Variants in GALNT13 observed in about 807,000 individuals in gnomAD.
The protein encoded by GALNT13 is UDP-GalNAc:polypeptide N-acetylgalactosaminyltransferase 13.
In GALNT13, 28 loss-of-function variants were observed where a neutral mutation model predicts 64.2. The observed-to-expected ratio is 0.44, with a 90% confidence interval of 0.32 to 0.60. The LOEUF (loss-of-function observed/expected upper bound fraction) is 0.60, where lower values mean the gene tolerates loss of function less well. Among genes scored for constraint, GALNT13 ranks in the 20% least tolerant of loss-of-function variants. The pLI is 0.05. For synonymous variants in GALNT13, 214 were observed against 224.6 expected, an observed-to-expected ratio of 0.95 and a Z score of 0.42; for missense variants, 577 against 669.8, an observed-to-expected ratio of 0.86 and a Z score of 1.53.
the GALNT13 span, among the ~76,000 whole-genome samples, chr2:153,509,594 T>C: frequency 7.9e-5 from 12 of 152,246 alleles, no homozygotes; most frequent in Non-Finnish European, 1.6e-4. Context: ...AAAGTGTTAT[T>C]GTAGATGGTC....
the GALNT13 span, among the ~76,000 whole-genome samples, chr2:153,386,666 T>G: frequency 6.6e-6 from 1 of 152,064 alleles, no homozygotes; most frequent in Non-Finnish European, 1.5e-5. Flanking sequence ...ACTGTTAAAT[T>G]AATCACTGCT....
the GALNT13 span, among the ~76,000 whole-genome samples, chr2:153,499,188 G>C: frequency 3.9e-5 from 6 of 152,158 alleles, no homozygotes; most frequent in South Asian, 1.2e-3. Flanking sequence ...GGAAGAATGA[G>C]GTACACAGAC....
the GALNT13 span, among the ~76,000 whole-genome samples, chr2:153,694,293 A>G: frequency 6.6e-6 from 1 of 152,158 alleles, no homozygotes; most frequent in Non-Finnish European, 1.5e-5. Flanking sequence ...AGGTGACTCT[A>G]GGAATCCATG....
At chr2:154,028,053 G>C (rs1035725640) in intron 3 of GALNT13, among the ~76,000 whole-genome samples, 2 of 152,132 alleles carry the variant, frequency 1.3e-5, no homozygotes, top group Non-Finnish European at 1.5e-5. Context: ...AGCTGCGACT[G>C]TAGAGCACTA....
intron 3 of GALNT13, among the ~76,000 whole-genome samples, chr2:154,126,292 A>T: frequency 6.6e-6 from 1 of 152,210 alleles, no homozygotes; most frequent in East Asian, 1.9e-4. Context: ...GGTAAAAAAA[A>T]AATACTGGTG....
chr2:153,544,964 A>C, the GALNT13 span, among the ~76,000 whole-genome samples: 2 of 152,162 alleles, frequency 1.3e-5, no homozygotes, highest in Non-Finnish European at 2.9e-5. Flanking sequence ...TTCGTAAGGG[A>C]GGGGTAGAAA....
intron 8 of GALNT13, among the ~76,000 whole-genome samples, chr2:154,291,087 GA>G (rs1692598230): frequency 6.6e-6 from 1 of 152,216 alleles, no homozygotes; most frequent in East Asian, 1.9e-4. Flanking sequence ...CCACAGCGTG[GA>G]AAGGGACCTG....
At chr2:153,233,157 A>G in the GALNT13 span, among the ~76,000 whole-genome samples, 1 of 152,196 alleles carries the variant, frequency 6.6e-6, no homozygotes, top group African/African-American at 2.4e-5. Flanking sequence ...TCCACGTTAA[A>G]ACTTTAAAGT....
chr2:153,596,464 T>G, the GALNT13 span, among the ~76,000 whole-genome samples: 1 of 152,086 alleles, frequency 6.6e-6, no homozygotes, highest in Non-Finnish European at 1.5e-5. Context: ...GCATGACATT[T>G]GCAACATCGA....
the GALNT13 span, among the ~76,000 whole-genome samples, chr2:153,819,441 C>T: frequency 6.6e-6 from 1 of 152,142 alleles, no homozygotes; most frequent in Non-Finnish European, 1.5e-5. Flanking sequence ...GTGCAGCTCC[C>T]TCACTCCCAC....
chr2:153,343,523 T>C, the GALNT13 span, among the ~76,000 whole-genome samples: 1 of 151,832 alleles, frequency 6.6e-6, no homozygotes, highest in African/African-American at 2.4e-5. Context: ...AAAAAATATG[T>C]TTATTGTTAA....
At chr2:154,305,978 A>G (rs1251737034) in intron 9 of GALNT13, among the ~76,000 whole-genome samples, 1 of 152,164 alleles carries the variant, frequency 6.6e-6, no homozygotes, top group Non-Finnish European at 1.5e-5. Context: ...AAAGAGAGCC[A>G]CATTTGTTTC....
At chr2:154,423,920 T>A (rs1042342299) in intron 11 of GALNT13, among the ~76,000 whole-genome samples, 1 of 152,140 alleles carries the variant, frequency 6.6e-6, no homozygotes, top group South Asian at 2.1e-4. Context: ...CTTGAAGTGA[T>A]GGGAATGACA....
the GALNT13 span, among the ~76,000 whole-genome samples, chr2:153,096,608 G>C: frequency 9.2e-5 from 14 of 152,248 alleles, no homozygotes; most frequent in East Asian, 2.7e-3. Context: ...CTTTATTAGT[G>C]TGTAGTGACC....
At chr2:154,205,595 AG>A (rs1489656535) in intron 4 of GALNT13, among the ~76,000 whole-genome samples, 1 of 152,152 alleles carries the variant, frequency 6.6e-6, no homozygotes, top group Non-Finnish European at 1.5e-5. Flanking sequence ...CAAAAGAAAG[AG>A]GTTTGTTGGA....
intron 9 of GALNT13, among the ~76,000 whole-genome samples, chr2:154,303,762 C>CTT (rs756444438): frequency 1.4e-5 from 2 of 143,992 alleles, no homozygotes; most frequent in Non-Finnish European, 3.1e-5. Context: ...GAAATTCAAA[C>CTT]TTTTTTTTTT....
intron 3 of GALNT13, among the ~76,000 whole-genome samples, chr2:154,106,509 G>T (rs1702623493): frequency 2.0e-5 from 3 of 151,470 alleles, no homozygotes; most frequent in Non-Finnish European, 4.4e-5. Context: ...GTATATTTGG[G>T]GTTCTATATT....
the GALNT13 span, among the ~76,000 whole-genome samples, chr2:153,465,040 C>G: frequency 3.3e-5 from 5 of 152,096 alleles, no homozygotes; most frequent in African/African-American, 1.2e-4. Flanking sequence ...GTCTCCTCCA[C>G]AGTGGTGAAG....
chr2:153,084,772 A>G, the GALNT13 span, among the ~76,000 whole-genome samples: 1 of 152,156 alleles, frequency 6.6e-6, no homozygotes, highest in Admixed American at 6.6e-5. Context: ...TCTTTTCTTT[A>G]TAAATTACCC....
Sources: allele counts gnomAD v4.1 joint callset (sites outside exome capture counted in the v4.1 genomes callset), GRCh38; gene constraint gnomAD v4.1.1; transcripts MANE v1.5; gene names NCBI Gene and HGNC (gene_info 2026-07-23, HGNC 2026-07-21).